AMY2A: variants seen among roughly 807,000 people sequenced by gnomAD.
AMY2A encodes pancreatic alpha-amylase.
A neutral mutation model predicts 43.0 loss-of-function variants in AMY2A; 16 were observed. The ratio of observed to expected loss-of-function variants is 0.37; its 90% CI spans 0.25 to 0.56. The LOEUF (loss-of-function observed/expected upper bound fraction) is 0.56, where lower values mean the gene tolerates loss of function less well. AMY2A is among the 20% of genes least tolerant of loss of function. The pLI is 0.77. For missense variants in AMY2A, 212 were observed against 456.8 expected, an observed-to-expected ratio of 0.46 and a Z score of 4.89; for synonymous variants, 70 against 144.6, an observed-to-expected ratio of 0.48 and a Z score of 3.70.
intron 2 of AMY2A, 47 bp downstream of exon 2, chr1:103,618,147 T>A (rs1653131552): frequency 6.3e-7 from 1 of 1,578,066 alleles, no homozygotes. Flanking sequence ...AGGAAAATGG[T>A]TTCTCTCTCT....
chr1:103,618,231 A>AAAATT lies in AMY2A; in HGVS notation c.315+134_315+138dup, dbSNP rs566224254. ...AATTTTACTTCATAATTTAAAACTC[A>AAAATT]AAATTAACTGTTTATTTATGTTCAA... On this transcript the variant is annotated intron_variant, in intron 2 of 9. Coordinates refer to ENST00000414303, the MANE Select transcript of AMY2A (RefSeq NM_000699.4). 7.2e-5 allele frequency: 99 copies of AAAATT among 1,381,532 alleles called. No individual in the cohort carries two copies. The African/African-American group carries it at 1.2e-3, about 17-fold the overall frequency. The allele number at this position is 1,381,532 out of a possible 1,614,324, so 85.6% of individuals were successfully genotyped here. A position where few individuals can be genotyped will look rare whatever the true frequency, so the allele number is the denominator to read the frequency against.
rs530106569 is a variant in AMY2A at position 103,617,515 on chromosome 1, G to T, written c.75G>T (p.Arg25=). ...AQYSPNTQQG[R]TSIVHLFEWR... is the part of the protein sequence containing the mutation. ...ATTCCCCAAATACACAACAAGGACG[G>T]ACATCTATTGTTCATCTGTTTGAAT... The change falls in exon 1 of 10, where the codon CGG becomes CGT. Residue 25 remains arginine, a synonymous_variant. Transcript: ENST00000414303. 6.2e-7 allele frequency: 1 copy of T among 1,600,770 alleles called. No individual in the cohort carries two copies. Among genetic ancestry groups the T allele is most frequent in the East Asian group, 2.2e-5 (1 of 44,840 alleles).
At chr1:103,617,336 G>A (rs1570666192), upstream of AMY2A, 5 of 1,543,088 alleles carry the variant, frequency 3.2e-6, 1 homozygote, top group Non-Finnish European at 4.4e-6. Context: ...TGAATAAACA[G>A]TTTGCCCTCA....
chr1:103,619,957 T>C, intron 4 of AMY2A, 173 bp downstream of exon 4: 1 of 1,376,812 alleles, frequency 7.3e-7, no homozygotes, highest in Non-Finnish European at 9.8e-7. Flanking sequence ...TATCACAACA[T>C]GTTTTATGGA....
chr1:103,617,735 C>T, intron 1 of AMY2A, 127 bp downstream of exon 1: 2 of 1,557,344 alleles, frequency 1.3e-6, no homozygotes, highest in Non-Finnish European at 8.7e-7. Context: ...AAAGAGATTT[C>T]TGAGGGAAAA....
At chr1:103,624,982 A>G (rs1653281940) in intron 9 of AMY2A, among the ~76,000 whole-genome samples, 1 of 130,910 alleles carries the variant, frequency 7.6e-6, no homozygotes, top group Non-Finnish European at 1.7e-5. Context: ...AAATAAATAC[A>G]TCAATATACA....
chr1:103,618,055 T>C lies in AMY2A; in HGVS notation c.270T>C (p.Asn90=). 1.9e-6 allele frequency: 3 copies of C among 1,600,582 alleles called. No homozygotes were observed. In the East Asian group the frequency reaches 6.7e-5, roughly 36 times the overall value. ...VSYKLCTRSG[N]EDEFRNMVTR... ...ATAAATTATGCACAAGATCTGGAAA[T>C]GAAGATGAATTTAGAAACATGGTGA... The change falls in exon 2 of 10, where the codon AAT becomes AAC. Residue 90 remains asparagine (N), a synonymous_variant. Transcript: ENST00000414303.
rs4998592 is a variant in AMY2A, at chr1:103,623,441, G to A, written c.1102-425G>A. 1.2e-4 allele frequency among the ~76,000 whole-genome samples: 9 copies of A among 78,200 alleles called. 1 individual carries two copies. The highest frequency in any genetic ancestry group is 9.4e-4 in the East Asian group (4 of 4,244). 51.3% of individuals were successfully genotyped at this position (78,200 alleles called of 152,430 possible). A position where few individuals can be genotyped will look rare whatever the true frequency, so the allele number is the denominator to read the frequency against. The stretch of plus-strand genomic sequence containing the variant: ...TATCTGGGCAAGCTAGCAAGACCTC[G>A]TCTTTACTGAAAATTTTTTAAAAAT... On this transcript the variant is annotated intron_variant, in intron 7 of 9. Coordinates refer to ENST00000414303, the MANE Select transcript of AMY2A (RefSeq NM_000699.4).
intron 3 of AMY2A, among the ~76,000 whole-genome samples, 171 bp downstream of exon 3, chr1:103,619,279 ATTGAT>A (rs1168037911): frequency 2.7e-5 from 4 of 150,060 alleles, no homozygotes; most frequent in Admixed American, 2.0e-4. Flanking sequence ...ACTTTCAAAT[ATTGAT>A]TTAAGATTTT....
intron 9 of AMY2A, among the ~76,000 whole-genome samples, chr1:103,624,878 C>T (rs924840920): frequency 7.6e-6 from 1 of 130,910 alleles, no homozygotes; most frequent in Non-Finnish European, 1.7e-5. Flanking sequence ...CTCAGAAGAC[C>T]TTGGTGTAAA....
intron 1 of AMY2A, 114 bp downstream of exon 1, chr1:103,617,722 G>GT: frequency 1.3e-6 from 2 of 1,568,436 alleles, no homozygotes; most frequent in Non-Finnish European, 1.7e-6. Flanking sequence ...AGTATTCTAA[G>GT]TAAAAGAGAT....
chr1:103,619,397 T>C (rs555875621), intron 3 of AMY2A, among the ~76,000 whole-genome samples, 157 bp from the exon 4 acceptor site: 1 of 150,860 alleles, frequency 6.6e-6, no homozygotes, highest in Non-Finnish European at 1.5e-5. Context: ...ATTTCAAAGA[T>C]ACATCTGTAG....
At chr1:103,617,678 T>C (rs1236645595) in intron 1 of AMY2A, 70 bp downstream of exon 1, 5 of 1,598,222 alleles carry the variant, frequency 3.1e-6, no homozygotes, top group African/African-American at 2.7e-5. Context: ...TGATCTTATC[T>C]GTGAAGCTTG....
At chr1:103,617,335 A>G, upstream of AMY2A, 1 of 1,543,004 alleles carries the variant, frequency 6.5e-7, no homozygotes, top group Non-Finnish European at 8.9e-7. Flanking sequence ...ATGAATAAAC[A>G]GTTTGCCCTC....
chr1:103,618,868 A>G lies in AMY2A; in HGVS notation c.316-43A>G, dbSNP rs748562189. The G allele has an allele frequency of 2.3e-5, 15 of 661,926 alleles. 1 individual carries two copies. The highest frequency in any genetic ancestry group is 3.4e-5 in the Non-Finnish European group (13 of 386,718). 41.0% of individuals were successfully genotyped at this position (661,926 alleles called of 1,614,324 possible). ...TGCATCAATAATGCTTTAAATTTCT[A>G]CCTCTCTGTAAGTCACACTGAAGTA... On this transcript the variant is annotated intron_variant, in intron 2 of 9. Transcript: ENST00000414303.
chr1:103,618,666 A>C (rs910671492), intron 2 of AMY2A, among the ~76,000 whole-genome samples: 14 of 150,434 alleles, frequency 9.3e-5, no homozygotes, highest in Non-Finnish European at 1.6e-4. Flanking sequence ...CCTCCTATTT[A>C]TGGTAGTTTC....
chr1:103,618,826 T>C, intron 2 of AMY2A, 85 bp from the exon 3 acceptor site: 3 of 1,041,910 alleles, frequency 2.9e-6, no homozygotes, highest in South Asian at 1.6e-5. Flanking sequence ...TGGAGTTTTA[T>C]TAACATACTA....
rs754539686 is a variant in AMY2A at position 103,617,469 on chromosome 1, T to C, written c.29T>C (p.Ile10Thr). 3 of 1,600,454 alleles carry C rather than the reference T, an allele frequency of 1.9e-6. No individual in the cohort carries two copies. Among genetic ancestry groups the C allele is most frequent in the African/African-American group, 2.7e-5 (2 of 74,650 alleles). MKFFLLLFTIGFCWAQYSPN... is the reference protein window; with the variant it reads MKFFLLLFTTGFCWAQYSPN... ...AAGTTCTTTCTGTTGCTTTTCACCATTGGGTTCTGCTGGGCTCAGTATTCC... is the reference window on the plus strand; with the variant it reads ...AAGTTCTTTCTGTTGCTTTTCACCACTGGGTTCTGCTGGGCTCAGTATTCC... Residue 10 changes from isoleucine to threonine, a missense_variant, in exon 1 of 10, where the codon ATT becomes ACT. By Grantham distance (89) the Ile-to-Thr change is moderately conservative. Transcript: ENST00000414303.
intron 2 of AMY2A, among the ~76,000 whole-genome samples, chr1:103,618,414 A>G (rs1437506106): frequency 1.3e-5 from 2 of 150,652 alleles, no homozygotes; most frequent in Non-Finnish European, 3.0e-5. Context: ...TCCAGTTACA[A>G]TGTTTGCTAT....
Sources: allele counts gnomAD v4.1 joint callset (sites outside exome capture counted in the v4.1 genomes callset), GRCh38; gene constraint gnomAD v4.1.1; transcripts MANE v1.5; gene names NCBI Gene and HGNC (gene_info 2026-07-23, HGNC 2026-07-21).